KIF13B: variants seen among roughly 807,000 people sequenced by gnomAD.
KIF13B encodes kinesin family member 13B.
In KIF13B, 127 loss-of-function variants were observed where a neutral mutation model predicts 222.0. The ratio of observed to expected loss-of-function variants is 0.57; its 90% confidence interval spans 0.50 to 0.66. KIF13B has a LOEUF of 0.66. KIF13B is among the 30% of genes least tolerant of loss of function. The probability of loss-of-function intolerance (pLI) is 0.00; values close to 1 mark genes in which losing one functional copy is unlikely to be tolerated. For missense variants in KIF13B, 2,173 were observed against 2,379.0 expected (o/e 0.91, Z 1.80); for synonymous variants, 976 against 919.0 (o/e 1.06, Z -1.12).
chr8:29,177,226 C>T (rs892446791), intron 9 of KIF13B, among the ~76,000 whole-genome samples: 2 of 151,664 alleles, frequency 1.3e-5, no homozygotes, highest in African/African-American at 4.8e-5. Context: ...ATCACCCCTC[C>T]CATGAAAAGA....
At chr8:29,218,380 C>T (rs1417650811) in intron 2 of KIF13B, among the ~76,000 whole-genome samples, 3 of 152,218 alleles carry the variant, frequency 2.0e-5, no homozygotes, top group Non-Finnish European at 4.4e-5. Flanking sequence ...ACTTTTCCTA[C>T]GTCTGTTCTC....
chr8:29,234,155 C>G (rs943618730), intron 2 of KIF13B, among the ~76,000 whole-genome samples: 1 of 152,042 alleles, frequency 6.6e-6, no homozygotes, highest in African/African-American at 2.4e-5. Context: ...TCCAACAATT[C>G]CACTCCTGGG....
chr8:29,123,365 C>G lies in KIF13B; in HGVS notation c.3479+1G>C, dbSNP rs371823641. 6.2e-7 allele frequency: 1 copy of G among 1,613,770 alleles called. No homozygotes were observed. Among genetic ancestry groups the G allele is most frequent in the Non-Finnish European group, 8.5e-7 (1 of 1,179,902 alleles). On this transcript the variant is annotated splice_donor_variant, in intron 28 of 39. Transcript: ENST00000524189. LOFTEE classifies it high-confidence loss of function. ...CACAAGACGCACCACAGGGTTCATA[C>G]CATTCTGCTGGGGCCCCTGGAATAC...
chr8:29,191,357 ATC>A (rs917253606), intron 3 of KIF13B, among the ~76,000 whole-genome samples: 4 of 145,278 alleles, frequency 2.8e-5, no homozygotes, highest in African/African-American at 5.2e-5. Context: ...GAAATTAGTG[ATC>A]TGTTTCATGT....
intron 1 of KIF13B, among the ~76,000 whole-genome samples, chr8:29,257,600 G>C (rs1816532713): frequency 6.6e-6 from 1 of 152,122 alleles, no homozygotes; most frequent in African/African-American, 2.4e-5. Flanking sequence ...TTCTTGAAAA[G>C]AGGTCTGGCC....
intron 4 of KIF13B, chr8:29,190,774 G>C: frequency 1.8e-6 from 1 of 556,290 alleles, no homozygotes; most frequent in South Asian, 1.9e-5. Context: ...CATCGGAACT[G>C]AGTTAGAGGA....
At chr8:29,073,697 G>A (rs1444232941) in intron 38 of KIF13B, among the ~76,000 whole-genome samples, 1 of 152,114 alleles carries the variant, frequency 6.6e-6, no homozygotes, top group African/African-American at 2.4e-5. Context: ...AGATCTATAC[G>A]TCTCTTACAG....
At position 29,068,550 on chromosome 8, in the gene KIF13B, C is replaced by T. The variant is rs1426067189; in HGVS notation, c.*1954G>A. On this transcript the variant is annotated 3_prime_UTR_variant, in exon 40 of 40. Coordinates refer to ENST00000524189, the MANE Select transcript of KIF13B (RefSeq NM_015254.4). The surrounding 1 kb of genome is among the most constrained non-coding windows in gnomAD (Gnocchi z 4.4). ...TAAAAAGCACGACACACACGTCCCC[C>T]AGGACTTTCCCAAGATGGTGCTACA... 6.6e-6 allele frequency: 1 copy of T among 152,300 alleles called. No homozygotes were observed. The highest frequency in any genetic ancestry group is 1.9e-4 in the East Asian group (1 of 5,194). 9.4% of individuals were successfully genotyped at this position (152,300 alleles called of 1,614,324 possible).
intron 12 of KIF13B, among the ~76,000 whole-genome samples, chr8:29,164,307 G>A (rs1319334006): frequency 6.6e-6 from 1 of 152,184 alleles, no homozygotes; most frequent in African/African-American, 2.4e-5. Flanking sequence ...AACAGATTGA[G>A]CAAGTTCTAT....
At position 29,147,496 on chromosome 8, in the gene KIF13B, G is replaced by C; in HGVS notation, c.1920C>G (p.Leu640=). ...RLMYEHELEQ[L]RRRLSPEKQN... is the part of the protein sequence containing the mutation. ...GCTTCTCAGGAGACAGCCTTCTCCGGAGCTGCTCCAATTCGTGCTCATACA... is the reference window on the plus strand; with the variant it reads ...GCTTCTCAGGAGACAGCCTTCTCCGCAGCTGCTCCAATTCGTGCTCATACA... Residue 640 remains leucine, a synonymous_variant, in exon 17 of 40, where the codon CTC becomes CTG. Coordinates refer to ENST00000524189, the MANE Select transcript of KIF13B (RefSeq NM_015254.4). 6.2e-7 allele frequency: 1 copy of C among 1,613,650 alleles called. No homozygotes were observed. The highest frequency in any genetic ancestry group is 1.1e-5 in the South Asian group (1 of 91,024).
chr8:29,141,143 G>T (rs1236440977), intron 19 of KIF13B, among the ~76,000 whole-genome samples: 1 of 152,140 alleles, frequency 6.6e-6, no homozygotes, highest in Non-Finnish European at 1.5e-5. Context: ...AGACCAGCCT[G>T]CCCAACATGG....
chr8:29,223,126 T>G (rs1178832433), intron 2 of KIF13B, among the ~76,000 whole-genome samples: 1 of 144,424 alleles, frequency 6.9e-6, no homozygotes, highest in African/African-American at 2.6e-5. Context: ...GAGACCAGCC[T>G]GGACAACATG....
Position 29,109,346 on chromosome 8 carries a change from G to A in KIF13B, c.4161+88C>T, listed in dbSNP as rs915129296. On this transcript the variant is annotated intron_variant, in intron 34 of 39. Coordinates refer to ENST00000524189, the MANE Select transcript of KIF13B (RefSeq NM_015254.4). ...GGCAAGGGAAGGGTTTCGGAGATGG[G>A]GTTTGACGGGTGGAGAAGAGTTACC... 23 of 1,021,120 alleles carry A rather than the reference G, an allele frequency of 2.3e-5. No individual in the cohort carries two copies. In the Admixed American group the frequency reaches 3.7e-4, roughly 16 times the overall value. 63.3% of individuals were successfully genotyped at this position (1,021,120 alleles called of 1,614,324 possible).
In KIF13B at chr8:29,070,512, C is replaced by A; in HGVS notation, c.5473G>T (p.Ala1825Ser). ...HKNPENRKSWAS is the reference protein window; with the variant it reads ...HKNPENRKSWSS The stretch of plus-strand genomic sequence containing the variant: ...CGCCCTAAGGCAGCGGCTCAGCTGG[C>A]CCAGGATTTCCGGTTCTCAGGGTTC... The change falls in exon 40 of 40, where the codon GCC becomes TCC. Residue 1825 changes from alanine (A) to serine (S), a missense_variant. Physicochemically the swap from Ala to Ser is moderately conservative, Grantham distance 99. Coordinates refer to ENST00000524189, the MANE Select transcript of KIF13B (RefSeq NM_015254.4). The surrounding 1 kb of genome is among the most constrained non-coding windows in gnomAD (Gnocchi z 4.1). The A allele has an allele frequency of 6.2e-7, 1 of 1,610,412 alleles. No individual in the cohort carries two copies.
chr8:29,189,936 C>CT (rs1197593458), intron 4 of KIF13B: 1 of 152,248 alleles, frequency 6.6e-6, no homozygotes, highest in Non-Finnish European at 1.5e-5. Flanking sequence ...ATTAAAAACT[C>CT]TAATAGCAAA....
chr8:29,084,205 C>A (rs79243855), intron 37 of KIF13B, among the ~76,000 whole-genome samples: 1 of 152,132 alleles, frequency 6.6e-6, no homozygotes, highest in Non-Finnish European at 1.5e-5. Flanking sequence ...CGTGAGCCAC[C>A]GCACCCGACC....
At chr8:29,242,430 C>G (rs947095448) in intron 2 of KIF13B, among the ~76,000 whole-genome samples, 2 of 151,930 alleles carry the variant, frequency 1.3e-5, no homozygotes, top group African/African-American at 4.8e-5. Flanking sequence ...TAAAATAAGG[C>G]CTAAAGATTT....
At position 29,071,216 on chromosome 8, in the gene KIF13B, G is replaced by A. The variant is rs1438867739; in HGVS notation, c.5218+404C>T. Among the ~76,000 whole-genome samples, 3 of 152,210 alleles carry A rather than the reference G, an allele frequency of 2.0e-5. No homozygotes were observed. The highest frequency in any genetic ancestry group is 2.1e-4 in the South Asian group (1 of 4,836). On this transcript the variant is annotated intron_variant, in intron 39 of 39. Transcript: ENST00000524189. This position sits in a 1 kb window ranked among gnomAD's most constrained non-coding sequence, Gnocchi z 4.9. ...ATGGAAACTGGCAAAACTGCCAAAT[G>A]AGGGCGAGTCAGAGGCCAGCGAGAT...
chr8:29,232,039 G>A (rs1393656385), intron 2 of KIF13B, among the ~76,000 whole-genome samples: 1 of 152,166 alleles, frequency 6.6e-6, no homozygotes, highest in Admixed American at 6.5e-5. Context: ...CTAATCACGT[G>A]AGCCCAGGAG....
Sources: allele counts gnomAD v4.1 joint callset (sites outside exome capture counted in the v4.1 genomes callset), GRCh38; gene constraint gnomAD v4.1.1; non-coding constraint Gnocchi (gnomAD v3.1); transcripts MANE v1.5; gene names NCBI Gene and HGNC (gene_info 2026-07-23, HGNC 2026-07-21).